Variants in C8orf34 observed in about 807,000 individuals in gnomAD.
The protein encoded by C8orf34 is uncharacterized protein C8orf34.
Under a neutral mutation model 68.3 loss-of-function variants are expected in C8orf34, and 65 were observed. The ratio of observed to expected loss-of-function variants is 0.95; its 90% confidence interval spans 0.78 to 1.17. The LOEUF is 1.17. C8orf34 is among the 50% of genes most tolerant of loss of function. The pLI, the probability that C8orf34 is intolerant of heterozygous loss-of-function variation, is 0.00. For synonymous variants in C8orf34, 244 were observed against 241.2 expected, an observed-to-expected ratio of 1.01 and a Z score of -0.11; for missense variants, 664 against 655.4, an observed-to-expected ratio of 1.01 and a Z score of -0.14.
intron 1 of C8orf34, among the ~76,000 whole-genome samples, chr8:68,424,352 A>G (rs1213141183): frequency 5.9e-5 from 9 of 152,172 alleles, no homozygotes; most frequent in Admixed American, 3.3e-4. Context: ...AAAATAAATG[A>G]TAGGATATAA....
chr8:68,578,668 A>T (rs549565056), intron 7 of C8orf34, among the ~76,000 whole-genome samples: 1 of 151,868 alleles, frequency 6.6e-6, no homozygotes, highest in African/African-American at 2.4e-5. Context: ...TTCAATATTG[A>T]TCTATATTCT....
chr8:68,769,405 T>C (rs1431808691), intron 10 of C8orf34, among the ~76,000 whole-genome samples: 3 of 149,980 alleles, frequency 2.0e-5, no homozygotes, highest in Middle Eastern at 3.2e-3. Flanking sequence ...TATTTTATTA[T>C]TTTTTTTAAA....
At chr8:68,806,718 G>A (rs1824498790) in intron 12 of C8orf34, among the ~76,000 whole-genome samples, 1 of 152,170 alleles carries the variant, frequency 6.6e-6, no homozygotes, top group African/African-American at 2.4e-5. Flanking sequence ...GTTTTTATAT[G>A]TTTGGTAGCT....
chr8:68,721,584 C>G, intron 10 of C8orf34, 147 bp downstream of exon 10: 2 of 589,650 alleles, frequency 3.4e-6, no homozygotes, highest in Non-Finnish European at 6.0e-6. Flanking sequence ...GGGAAGAAGA[C>G]TTGAACTAGA....
At chr8:68,480,671 G>A (rs1329793549) in intron 4 of C8orf34, among the ~76,000 whole-genome samples, 1 of 152,198 alleles carries the variant, frequency 6.6e-6, no homozygotes, top group African/African-American at 2.4e-5. Flanking sequence ...GTTGGGAACT[G>A]GAGCAGAGGT....
intron 6 of C8orf34, among the ~76,000 whole-genome samples, chr8:68,531,890 G>T (rs1379961598): frequency 6.6e-6 from 1 of 151,998 alleles, no homozygotes; most frequent in Non-Finnish European, 1.5e-5. Flanking sequence ...AACAGAATAA[G>T]GAGCATTTCT....
intron 1 of C8orf34, among the ~76,000 whole-genome samples, chr8:68,373,893 C>G (rs1807671899): frequency 6.6e-6 from 1 of 152,076 alleles, no homozygotes; most frequent in African/African-American, 2.4e-5. Flanking sequence ...AGGATATATT[C>G]TAGTTCTTTC....
At chr8:68,376,127 G>A (rs1330689783) in intron 1 of C8orf34, among the ~76,000 whole-genome samples, 1 of 150,720 alleles carries the variant, frequency 6.6e-6, no homozygotes, top group Non-Finnish European at 1.5e-5. Context: ...AACAATGCAT[G>A]TATTTGTTGT....
Position 68,607,176 on chromosome 8 carries a change from TTTC to T in C8orf34, c.1106-33191_1106-33189del, listed in dbSNP as rs1326290672. Among the ~76,000 whole-genome samples the T allele has an allele frequency of 6.6e-5, 10 of 152,272 alleles. 1 individual carries two copies. The highest frequency in any genetic ancestry group is 3.9e-4 in the Admixed American group (6 of 15,284). On this transcript the variant is annotated intron_variant, in intron 7 of 13. Coordinates refer to ENST00000518698, the MANE Select transcript of C8orf34 (RefSeq NM_052958.4). ...AGACAAAGAAGAAAAGGATTATTAT[TTTC>T]TTCTTCTTTGCTTCATTGGCAGCAA...
chr8:68,764,974 A>T (rs1308511463), intron 10 of C8orf34, among the ~76,000 whole-genome samples: 1 of 152,222 alleles, frequency 6.6e-6, no homozygotes, highest in African/African-American at 2.4e-5. Flanking sequence ...TAAACGAAGA[A>T]GTAGCATCTG....
At chr8:68,555,630 T>C (rs1330364503) in intron 7 of C8orf34, among the ~76,000 whole-genome samples, 1 of 152,172 alleles carries the variant, frequency 6.6e-6, no homozygotes, top group African/African-American at 2.4e-5. Context: ...TTGGTTTTTA[T>C]TCTATTATTT....
chr8:68,506,056 A>C (rs540573461), intron 5 of C8orf34, among the ~76,000 whole-genome samples: 14 of 151,950 alleles, frequency 9.2e-5, no homozygotes, highest in Admixed American at 7.9e-4. Flanking sequence ...TTTAACTTTA[A>C]CCCCTTGGAG....
chr8:68,784,038 A>G (rs1823771806), intron 11 of C8orf34, among the ~76,000 whole-genome samples: 1 of 152,168 alleles, frequency 6.6e-6, no homozygotes, highest in Non-Finnish European at 1.5e-5. Context: ...CAGTATTGAT[A>G]CATTATTAGT....
chr8:68,344,181 A>G (rs1009270214), intron 1 of C8orf34, among the ~76,000 whole-genome samples: 1 of 152,204 alleles, frequency 6.6e-6, no homozygotes, highest in African/African-American at 2.4e-5. Context: ...ATATGGCTGA[A>G]TCATTAAACA....
rs147215335 is a variant in C8orf34, at chr8:68,445,259, G to A, written c.476-1070G>A. On this transcript the variant is annotated intron_variant, in intron 2 of 13. Transcript: ENST00000518698. ...AATGGTGTATGTTAGTTATTTATAA[G>A]TGAGTAGCCAGAGAAAAGACTTATG... 2.1e-3 allele frequency among the ~76,000 whole-genome samples: 326 copies of A among 152,236 alleles called. 1 individual carries two copies. Among genetic ancestry groups the A allele is most frequent in the African/African-American group, 7.1e-3 (293 of 41,554 alleles).
chr8:68,758,726 A>G (rs1363216562), intron 10 of C8orf34, among the ~76,000 whole-genome samples: 2 of 143,030 alleles, frequency 1.4e-5, no homozygotes, highest in Non-Finnish European at 3.0e-5. Flanking sequence ...GATGATATAG[A>G]GACTGTACAT....
intron 7 of C8orf34, among the ~76,000 whole-genome samples, chr8:68,566,191 A>G (rs560454990): frequency 6.6e-6 from 1 of 152,168 alleles, no homozygotes; most frequent in Non-Finnish European, 1.5e-5. Flanking sequence ...TTGGGGGTAC[A>G]TGTGAAGGTT....
Position 68,776,449 on chromosome 8 carries a change from A to G in C8orf34, c.1455A>G (p.Glu485=), listed in dbSNP as rs765183450. 2 of 1,612,214 alleles carry G rather than the reference A, an allele frequency of 1.2e-6. No homozygotes were observed. The highest frequency in any genetic ancestry group is 1.7e-6 in the Non-Finnish European group (2 of 1,178,416). The change falls in exon 11 of 14, where the codon GAA becomes GAG. Residue 485 remains glutamate, a splice_region_variant and synonymous_variant. Coordinates refer to ENST00000518698, the MANE Select transcript of C8orf34 (RefSeq NM_052958.4). ...VGHSLKNYME[E]DESLKQLQVV... Reference sequence around the variant, plus strand: ...ACTCACTGAAAAACTACATGGAAGAAGTGAGTTTTAAGGTTGCTTTATAAT... The same window carrying G: ...ACTCACTGAAAAACTACATGGAAGAGGTGAGTTTTAAGGTTGCTTTATAAT...
chr8:68,593,407 T>C (rs1817453832), intron 7 of C8orf34, among the ~76,000 whole-genome samples: 1 of 152,106 alleles, frequency 6.6e-6, no homozygotes. Context: ...AGTTTTTTAA[T>C]ACAGAGGCTA....
Sources: allele counts gnomAD v4.1 joint callset (sites outside exome capture counted in the v4.1 genomes callset), GRCh38; gene constraint gnomAD v4.1.1; transcripts MANE v1.5; gene names NCBI Gene and HGNC (gene_info 2026-07-23, HGNC 2026-07-21).